The following SPTBN2 variants were observed in gnomAD, a reference collection of about 807,000 sequenced individuals.
SPTBN2 encodes spectrin beta, non-erythrocytic 2, also known as spectrin beta chain, non-erythrocytic 2.
Under a neutral mutation model 284.2 loss-of-function variants are expected in SPTBN2, and 107 were observed. The observed-to-expected ratio is 0.38, with a 90% CI of 0.32 to 0.44. The LOEUF (loss-of-function observed/expected upper bound fraction) is 0.44, where lower values mean the gene tolerates loss of function less well. SPTBN2 is among the 20% of genes least tolerant of loss of function. SPTBN2 has a pLI of 1.00. For missense variants in SPTBN2, 2,569 were observed against 3,287.1 expected (o/e 0.78, Z 5.34); for synonymous variants, 1,289 against 1,354.8 (o/e 0.95, Z 1.07).
intron 1 of SPTBN2, among the ~76,000 whole-genome samples, chr11:66,744,204 T>C (rs754635393): frequency 2.6e-5 from 4 of 152,224 alleles, no homozygotes; most frequent in Non-Finnish European, 4.4e-5. Flanking sequence ...TTTTAGTATA[T>C]GTCCCAAAAA....
rs936869758 is a variant in SPTBN2 at position 66,715,291 on chromosome 11, G to A, written c.414C>T (p.Ser138=). 3 of 1,614,240 alleles carry A rather than the reference G, an allele frequency of 1.9e-6. No individual in the cohort carries two copies. Among genetic ancestry groups the A allele is most frequent in the Non-Finnish European group, 1.7e-6 (2 of 1,180,038 alleles). The change falls in exon 5 of 38, where the codon TCC becomes TCT. Residue 138 remains serine (S), a synonymous_variant. Coordinates refer to ENST00000533211, the MANE Select transcript of SPTBN2 (RefSeq NM_006946.4). This position sits in a 1 kb window ranked among gnomAD's most constrained non-coding sequence, Gnocchi z 5.3. ...GGTGGTTTCCGTCCACAATGTCATG[G>A]GAGCCCATGTTTTCCAAGTGCACTT... ...EQKVHLENMG[S]HDIVDGNHRL...
At chr11:66,724,158 C>T (rs112282474) in intron 1 of SPTBN2, among the ~76,000 whole-genome samples, 12 of 152,312 alleles carry the variant, frequency 7.9e-5, no homozygotes, top group African/African-American at 2.4e-4. Flanking sequence ...CGGAGGCTCA[C>T]GCCTGTAATC....
Position 66,692,638 on chromosome 11 carries a change from C to T in SPTBN2, c.5088G>A (p.Leu1696=), listed in dbSNP as rs369435626. 5.3e-5 allele frequency: 85 copies of T among 1,605,610 alleles called. No homozygotes were observed. Among genetic ancestry groups the T allele is most frequent in the African/African-American group, 4.5e-4 (34 of 74,936 alleles). The change falls in exon 26 of 38, where the codon CTG becomes CTA. Residue 1696 remains leucine (L), a synonymous_variant. Transcript: ENST00000533211. ...RRERLQEHLR[L]CQLRRELDDL... is the part of the protein sequence containing the mutation. Reference sequence around the variant, plus strand: ...CATCCAGCTCGCGGCGGAGCTGGCACAGCCGGAGGTGCTCCTGCAGGCGCT... The same window carrying T: ...CATCCAGCTCGCGGCGGAGCTGGCATAGCCGGAGGTGCTCCTGCAGGCGCT...
At chr11:66,742,257 G>A (rs1813276012) in intron 1 of SPTBN2, among the ~76,000 whole-genome samples, 1 of 152,186 alleles carries the variant, frequency 6.6e-6, no homozygotes. Context: ...AGCACAGAGT[G>A]GATTCTCACC....
chr11:66,742,368 C>G (rs185559396), intron 1 of SPTBN2, among the ~76,000 whole-genome samples: 29 of 152,226 alleles, frequency 1.9e-4, no homozygotes, highest in African/African-American at 7.0e-4. Flanking sequence ...CCTTGCTTCT[C>G]CCTATGTCCA....
intron 20 of SPTBN2, among the ~76,000 whole-genome samples, chr11:66,698,262 A>C (rs922627572): frequency 6.6e-6 from 1 of 152,224 alleles, no homozygotes; most frequent in African/African-American, 2.4e-5. Context: ...GACAGAGATG[A>C]GTAGTTGTAG....
At chr11:66,719,593 G>A (rs1167003597) in intron 3 of SPTBN2, among the ~76,000 whole-genome samples, 1 of 152,196 alleles carries the variant, frequency 6.6e-6, no homozygotes, top group Non-Finnish European at 1.5e-5. Context: ...GTGCTGGGTG[G>A]CCCAAGTTAT....
chr11:66,710,569 C>T lies in SPTBN2; in HGVS notation c.1073+13G>A, dbSNP rs557190750. ...CACAGCTCAGGGAAGGGTGGGGCCCCAGGGACACCTACTTGGGCGGCTTCT... is the reference window on the plus strand; with the variant it reads ...CACAGCTCAGGGAAGGGTGGGGCCCTAGGGACACCTACTTGGGCGGCTTCT... On this transcript the variant is annotated intron_variant, in intron 10 of 37. Transcript: ENST00000533211. The surrounding 1 kb of genome is among the most constrained non-coding windows in gnomAD (Gnocchi z 4.9). The T allele has an allele frequency of 1.6e-5, 25 of 1,612,520 alleles. No homozygotes were observed. The African/African-American group carries it at 2.9e-4, about 19-fold the overall frequency.
chr11:66,696,562 G>A (rs780976086), intron 20 of SPTBN2, 22 bp from the exon 21 acceptor site: 3 of 1,608,936 alleles, frequency 1.9e-6, no homozygotes, highest in Admixed American at 1.7e-5. Flanking sequence ...GACAGAAAAT[G>A]TCAAAGTGCC....
intron 5 of SPTBN2, 108 bp from the exon 6 acceptor site, chr11:66,714,515 G>C (rs1942045134): frequency 3.0e-6 from 3 of 986,082 alleles, no homozygotes; most frequent in Non-Finnish European, 3.2e-6. Flanking sequence ...GTGGTAATGG[G>C]GTGGACAGGC....
upstream of SPTBN2, among the ~76,000 whole-genome samples, chr11:66,731,011 G>C (rs1435390768): frequency 6.6e-6 from 1 of 152,170 alleles, no homozygotes; most frequent in Non-Finnish European, 1.5e-5. Context: ...TTAAAACATA[G>C]TTCTGCCACC....
intron 20 of SPTBN2, among the ~76,000 whole-genome samples, chr11:66,697,644 C>T (rs956300577): frequency 1.1e-4 from 17 of 152,180 alleles, no homozygotes; most frequent in Non-Finnish European, 1.2e-4. Flanking sequence ...ATGGACTGCC[C>T]TGGATGTTGC....
chr11:66,715,519 C>T lies in SPTBN2; in HGVS notation c.310-124G>A. ...ACCTCAGGAACACAGACAGGCACAG[C>T]CCCAGGGCTGGAGCCAAAGCTGAGC... is the stretch of plus-strand genomic sequence containing the variant. On this transcript the variant is annotated intron_variant, in intron 4 of 37. Transcript: ENST00000533211. The surrounding 1 kb of genome is among the most constrained non-coding windows in gnomAD (Gnocchi z 5.3). 1 of 1,332,938 alleles carries T rather than the reference C, an allele frequency of 7.5e-7. No individual in the cohort carries two copies. Among genetic ancestry groups the T allele is most frequent in the South Asian group, 1.5e-5 (1 of 68,178 alleles). 82.6% of individuals were successfully genotyped at this position (1,332,938 alleles called of 1,614,324 possible).
chr11:66,716,016 G>C (rs1352166546), intron 3 of SPTBN2, 35 bp from the exon 4 acceptor site: 7 of 1,612,962 alleles, frequency 4.3e-6, no homozygotes, highest in Non-Finnish European at 5.9e-6. Flanking sequence ...TCTGTCCCTC[G>C]AGTTCAGTAT....
intron 10 of SPTBN2, among the ~76,000 whole-genome samples, chr11:66,709,943 C>G (rs1464569428): frequency 6.6e-6 from 1 of 152,244 alleles, no homozygotes; most frequent in African/African-American, 2.4e-5. Flanking sequence ...GGTCCAGTCC[C>G]CTCTATCCTA....
rs200529832 is a variant in SPTBN2, at chr11:66,688,775, G to A, written c.6109C>T (p.Arg2037Cys). The A allele has an allele frequency of 1.1e-5, 18 of 1,613,188 alleles. No individual in the cohort carries two copies. Among genetic ancestry groups the A allele is most frequent in the East Asian group, 2.2e-5 (1 of 44,878 alleles). Reference sequence around the variant, plus strand: ...ACCGTGCAACCCAGCTCAGCGCTGCGCACCAGTGGCTCCTGGCTGCAGAGC... The same window carrying A: ...ACCGTGCAACCCAGCTCAGCGCTGCACACCAGTGGCTCCTGGCTGCAGAGC... Reference protein sequence around the residue: ...AWLCSQEPLVRSAELGCTVDE... With the variant: ...AWLCSQEPLVCSAELGCTVDE... The change falls in exon 31 of 38, where the codon CGC (arginine) becomes TGC (cysteine). Residue 2037 changes from arginine to cysteine, a missense_variant. By Grantham distance (180) the Arg-to-Cys change is radical. This residue lies in a region of SPTBN2 where 1,130 missense variants were observed against 1,317.3 expected (regional missense o/e 0.86). Transcript: ENST00000533211.
intron 32 of SPTBN2, 36 bp from the exon 33 acceptor site, chr11:66,688,115 C>A: frequency 1.2e-6 from 2 of 1,613,712 alleles, no homozygotes; most frequent in Non-Finnish European, 8.5e-7. Context: ...ATCATTAGTC[C>A]CTGGGTGGCC....
chr11:66,707,885 C>A lies in SPTBN2; in HGVS notation c.1351-67G>T. The stretch of plus-strand genomic sequence containing the variant: ...CAGTGCCTCTGCCTGCTCCTCTGTC[C>A]TGCAGGGCACTTGGCCTGCAAGATC... On this transcript the variant is annotated intron_variant, in intron 12 of 37. Coordinates refer to ENST00000533211, the MANE Select transcript of SPTBN2 (RefSeq NM_006946.4). The surrounding 1 kb of genome is among the most constrained non-coding windows in gnomAD (Gnocchi z 4.9). The A allele has an allele frequency of 1.3e-6, 2 of 1,570,276 alleles. No individual in the cohort carries two copies. The highest frequency in any genetic ancestry group is 1.1e-5 in the South Asian group (1 of 87,844).
Position 66,704,449 on chromosome 11 carries a change from T to C in SPTBN2, c.2678+149A>G. ...GAAATGTCTCTACTTGTGAGTATGG[T>C]TAACATTTTTTGTTAAAACTAGAAA... On this transcript the variant is annotated intron_variant, in intron 15 of 37. Transcript: ENST00000533211. The C allele has an allele frequency of 4.1e-6, 4 of 973,298 alleles. No homozygotes were observed. The South Asian group carries it at 6.9e-5, about 17-fold the overall frequency. 60.3% of individuals were successfully genotyped at this position (973,298 alleles called of 1,614,324 possible). A position where few individuals can be genotyped will look rare whatever the true frequency, so the allele number is the denominator to read the frequency against.
Sources: gnomAD v4.1 joint callset for allele counts (sites outside exome capture counted in the v4.1 genomes callset) on GRCh38, gnomAD v4.1.1 for gene constraint, gnomAD v4.1.1 regional missense constraint, Gnocchi (gnomAD v3.1) non-coding constraint, MANE v1.5 for transcripts, NCBI Gene and HGNC (gene_info 2026-07-23, HGNC 2026-07-21) for gene names.